ANKS6: variants seen among roughly 807,000 people sequenced by gnomAD.
ANKS6 encodes the protein ankyrin repeat and sterile alpha motif domain containing 6.
Under a neutral mutation model 77.9 loss-of-function variants are expected in ANKS6, and 47 were observed. The observed-to-expected ratio is 0.60, with a 90% CI of 0.48 to 0.77. ANKS6 has a LOEUF of 0.77. Among genes scored for constraint, ANKS6 ranks in the 30% least tolerant of loss-of-function variants. The probability of loss-of-function intolerance (pLI) is 0.00; values close to 1 mark genes in which losing one functional copy is unlikely to be tolerated. For missense variants in ANKS6, 1,150 were observed against 1,159.1 expected (o/e 0.99, Z 0.11); for synonymous variants, 488 against 501.7 (o/e 0.97, Z 0.37).
chr9:98,768,193 C>T lies in ANKS6; in HGVS notation c.2030G>A (p.Gly677Glu), dbSNP rs776106251. ...ATGGCTGGGTTTCTGCTCCAATAAT[C>T]CGGCTGCTTTTTTCCTCTGGGCAGC... ...QIAAQRKKAA[G>E]LLEQKPSHRS... The change falls in exon 11 of 15, where the codon GGA (glycine) becomes GAA (glutamate). Residue 677 changes from glycine (G) to glutamate (E), a missense_variant. Physicochemically the swap from Gly to Glu is moderately conservative, Grantham distance 98. Transcript: ENST00000353234. 51 of 1,614,024 alleles carry T rather than the reference C, an allele frequency of 3.2e-5. No individual in the cohort carries two copies. The highest frequency in any genetic ancestry group is 4.2e-5 in the Non-Finnish European group (50 of 1,180,056).
chr9:98,784,745 T>G lies in ANKS6; in HGVS notation c.907+87A>C. 7.4e-6 allele frequency: 9 copies of G among 1,217,858 alleles called. No homozygotes were observed. In the South Asian group the frequency reaches 1.2e-4, roughly 16 times the overall value. The allele number at this position is 1,217,858 out of a possible 1,614,324, so 75.4% of individuals were successfully genotyped here. The stretch of plus-strand genomic sequence containing the variant: ...CTGTTTCTTTCTCAAATACCCTGGG[T>G]GGCCCTGCAAAGGACTACAAATATT... On this transcript the variant is annotated intron_variant, in intron 3 of 14. Coordinates refer to ENST00000353234, the MANE Select transcript of ANKS6 (RefSeq NM_173551.5).
At position 98,732,412 on chromosome 9, in the gene ANKS6, A is replaced by T. The variant is rs1198547317; in HGVS notation, c.*4107T>A. 4 of 1,379,646 alleles carry T rather than the reference A, an allele frequency of 2.9e-6. No homozygotes were observed. Among genetic ancestry groups the T allele is most frequent in the Non-Finnish European group, 4.0e-6 (4 of 1,002,826 alleles). 85.5% of individuals were successfully genotyped at this position (1,379,646 alleles called of 1,614,324 possible). ...CATGCCAGGAAATCCAGTGACAGCA[A>T]GACCCAGAGTCAGGCACATTTGGAG... is the stretch of plus-strand genomic sequence containing the variant. On this transcript the variant is annotated 3_prime_UTR_variant, in exon 15 of 15. Transcript: ENST00000353234.
At chr9:98,779,492 A>G (rs1040653000) in intron 6 of ANKS6, among the ~76,000 whole-genome samples, 12 of 152,164 alleles carry the variant, frequency 7.9e-5, no homozygotes, top group African/African-American at 2.9e-4. Context: ...CTTATAAATT[A>G]AGATTCCATA....
chr9:98,756,145 C>T (rs908724062), intron 12 of ANKS6, among the ~76,000 whole-genome samples: 6 of 152,104 alleles, frequency 3.9e-5, no homozygotes, highest in Non-Finnish European at 7.4e-5. Context: ...AAAGTAAGTT[C>T]GTGTTGGAGA....
rs200673311 is a variant in ANKS6, at chr9:98,756,521, G to A, written c.2225C>T (p.Ser742Leu). The A allele has an allele frequency of 6.5e-5, 105 of 1,608,358 alleles. No homozygotes were observed. The highest frequency in any genetic ancestry group is 3.3e-4 in the Middle Eastern group (2 of 6,038). The change falls in exon 12 of 15, where the codon TCA (serine) becomes TTA (leucine). Residue 742 changes from serine (S) to leucine (L), a missense_variant. Coordinates refer to ENST00000353234, the MANE Select transcript of ANKS6 (RefSeq NM_173551.5). ...GGACTCTGCAGTGTGCCCTTTGGGT[G>A]AGGGGGAGGGCGTGAGGGTTGGAGA... Reference protein sequence around the residue: ...STSPTLTPSPSPKGHTAESSV... With the variant: ...STSPTLTPSPLPKGHTAESSV...
At chr9:98,795,941 G>T (rs895075000) in intron 1 of ANKS6, 192 bp downstream of exon 1, 1 of 561,126 alleles carries the variant, frequency 1.8e-6, no homozygotes, top group Non-Finnish European at 2.6e-6. Flanking sequence ...CTAAGAATCT[G>T]ATTTTATGTT....
chr9:98,751,022 T>C lies in ANKS6; in HGVS notation c.2394+7A>G. ...TTTAAATTGACATTCAAAAAGAGCA[T>C]TCTTACCTCTTGTTCCTCAAAAATG... On this transcript the variant is annotated splice_region_variant and intron_variant, in intron 13 of 14. Coordinates refer to ENST00000353234, the MANE Select transcript of ANKS6 (RefSeq NM_173551.5). 6.2e-7 allele frequency: 1 copy of C among 1,601,988 alleles called. No homozygotes were observed. Among genetic ancestry groups the C allele is most frequent in the Non-Finnish European group, 8.5e-7 (1 of 1,173,902 alleles).
chr9:98,739,221 G>T (rs1435629129), intron 14 of ANKS6, among the ~76,000 whole-genome samples: 1 of 152,020 alleles, frequency 6.6e-6, no homozygotes, highest in East Asian at 1.9e-4. Flanking sequence ...CACTGCGAAA[G>T]AACTTACTCA....
intron 12 of ANKS6, among the ~76,000 whole-genome samples, chr9:98,753,365 T>C (rs751700278): frequency 6.6e-6 from 1 of 152,158 alleles, no homozygotes; most frequent in Non-Finnish European, 1.5e-5. Flanking sequence ...AATCAGATAA[T>C]GGTTTTCAAA....
At chr9:98,752,812 T>C (rs1049010746) in intron 12 of ANKS6, among the ~76,000 whole-genome samples, 6 of 152,162 alleles carry the variant, frequency 3.9e-5, no homozygotes, top group South Asian at 2.1e-4. Context: ...GGGTGGTGCA[T>C]GCTATGGTGA....
chr9:98,742,328 T>C (rs1374927364), intron 14 of ANKS6, among the ~76,000 whole-genome samples: 1 of 152,244 alleles, frequency 6.6e-6, no homozygotes, highest in Non-Finnish European at 1.5e-5. Flanking sequence ...CCAGAGCATC[T>C]GAAGGCTGTA....
chr9:98,736,126 T>A lies in ANKS6; in HGVS notation c.*393A>T, dbSNP rs563957549. ...GCCAAGAGGACGTGAGCAGGAGTGATGTGTGTCAGTTAAGAGCAAGGCAGG... is the reference window on the plus strand; with the variant it reads ...GCCAAGAGGACGTGAGCAGGAGTGAAGTGTGTCAGTTAAGAGCAAGGCAGG... On this transcript the variant is annotated 3_prime_UTR_variant, in exon 15 of 15. Transcript: ENST00000353234. 1 of 1,149,040 alleles carries A rather than the reference T, an allele frequency of 8.7e-7. No homozygotes were observed. Among genetic ancestry groups the A allele is most frequent in the African/African-American group, 1.6e-5 (1 of 62,850 alleles). 71.2% of individuals were successfully genotyped at this position (1,149,040 alleles called of 1,614,324 possible).
At chr9:98,754,024 G>A (rs764427335) in intron 12 of ANKS6, among the ~76,000 whole-genome samples, 17 of 152,260 alleles carry the variant, frequency 1.1e-4, no homozygotes, top group East Asian at 3.9e-4. Context: ...TGGAGTGCCC[G>A]CTCACCAGGG....
At chr9:98,763,721 C>T (rs569084770) in intron 11 of ANKS6, among the ~76,000 whole-genome samples, 2 of 151,964 alleles carry the variant, frequency 1.3e-5, no homozygotes, top group South Asian at 4.2e-4. Context: ...AATTGATAAA[C>T]TTCTAGCCAA....
intron 14 of ANKS6, among the ~76,000 whole-genome samples, chr9:98,737,275 G>C (rs1831551017): frequency 6.6e-6 from 1 of 152,154 alleles, no homozygotes; most frequent in Non-Finnish European, 1.5e-5. Flanking sequence ...AATCAGACAG[G>C]AAGTCAAACT....
chr9:98,771,705 C>G (rs371482966), intron 9 of ANKS6, among the ~76,000 whole-genome samples: 10 of 152,104 alleles, frequency 6.6e-5, no homozygotes, highest in East Asian at 3.9e-4. Flanking sequence ...GGCTCCCCCC[C>G]ATCCTTACCC....
At position 98,735,995 on chromosome 9, in the gene ANKS6, T is replaced by C; in HGVS notation, c.*524A>G. ...CAGGAAGGCTAACCTCTCACCATAA[T>C]ACATACCCCCCATCTAAGTCAAAAG... On this transcript the variant is annotated 3_prime_UTR_variant, in exon 15 of 15. Transcript: ENST00000353234. 8.2e-7 allele frequency: 1 copy of C among 1,222,710 alleles called. No individual in the cohort carries two copies. Among genetic ancestry groups the C allele is most frequent in the Non-Finnish European group, 1.0e-6 (1 of 982,498 alleles). The allele number at this position is 1,222,710 out of a possible 1,614,324, so 75.7% of individuals were successfully genotyped here.
chr9:98,772,121 G>A (rs905097053), intron 9 of ANKS6, among the ~76,000 whole-genome samples: 3 of 152,220 alleles, frequency 2.0e-5, no homozygotes, highest in Non-Finnish European at 2.9e-5. Flanking sequence ...TACCTTATGA[G>A]GCATGAGAAT....
intron 9 of ANKS6, among the ~76,000 whole-genome samples, 160 bp from the exon 10 acceptor site, chr9:98,771,206 G>C (rs1415885238): frequency 6.6e-6 from 1 of 152,222 alleles, no homozygotes; most frequent in African/African-American, 2.4e-5. Context: ...GAGTCCCTGA[G>C]GGATGGAGCT....
Sources: gnomAD v4.1 joint callset for allele counts (sites outside exome capture counted in the v4.1 genomes callset) on GRCh38, gnomAD v4.1.1 for gene constraint, MANE v1.5 for transcripts, NCBI Gene and HGNC (gene_info 2026-07-23, HGNC 2026-07-21) for gene names.